Variants in PROKR2 observed in about 807,000 individuals in gnomAD.
PROKR2 encodes G protein-coupled receptor 73-like 1.
In PROKR2, 26 loss-of-function variants were observed where a neutral mutation model predicts 23.4. That is an observed-to-expected ratio of 1.11 (90% confidence interval 0.81 to 1.54). The LOEUF (loss-of-function observed/expected upper bound fraction) is 1.54, where lower values mean the gene tolerates loss of function less well. Among genes scored for constraint, PROKR2 ranks in the 40% most tolerant of loss-of-function variants. The pLI, the probability that PROKR2 is intolerant of heterozygous loss-of-function variation, is 0.00. For missense variants in PROKR2, 453 were observed against 511.5 expected (o/e 0.89, Z 1.10); for synonymous variants, 212 against 201.2 (o/e 1.05, Z -0.45).
chr20:5,315,893 G>A (rs1413945356), intron 1 of PROKR2: 15 of 456,326 alleles, frequency 3.3e-5, no homozygotes, highest in Non-Finnish European at 6.2e-5. Context: ...AAGACAAGAG[G>A]GCGCGCGCCC....
In PROKR2 at chr20:5,311,267, G is replaced by C. The variant is rs527975886; in HGVS notation, c.458+2645C>G. Reference sequence around the variant, plus strand: ...CTTGGTGTATTGCTGAACACATGGGGTGGGGTGAGTGGAGGCAGGATAGGG... The same window carrying C: ...CTTGGTGTATTGCTGAACACATGGGCTGGGGTGAGTGGAGGCAGGATAGGG... On this transcript the variant is annotated intron_variant, in intron 2 of 2. Transcript: ENST00000678254. Among the ~76,000 whole-genome samples the C allele has an allele frequency of 7.2e-5, 11 of 152,304 alleles. No homozygotes were observed. In the East Asian group the frequency reaches 2.1e-3, roughly 29 times the overall value.
intron 2 of PROKR2, among the ~76,000 whole-genome samples, chr20:5,305,625 CA>C (rs1979190258): frequency 6.6e-6 from 1 of 152,016 alleles, no homozygotes; most frequent in Non-Finnish European, 1.5e-5. Context: ...CAAGGCAAAG[CA>C]GCTTATTGGG....
chr20:5,314,416 G>GAC, intron 1 of PROKR2, 39 bp from the exon 2 acceptor site: 2 of 1,531,560 alleles, frequency 1.3e-6, no homozygotes, highest in Non-Finnish European at 1.8e-6. Context: ...CGAGGGGTGA[G>GAC]GGTCCAGACC....
intron 1 of PROKR2, 107 bp from the exon 2 acceptor site, chr20:5,314,484 G>T: frequency 3.3e-6 from 3 of 902,480 alleles, no homozygotes; most frequent in Non-Finnish European, 5.4e-6. Flanking sequence ...GGGGAGAGTT[G>T]ACTCACCGTC....
In PROKR2 at chr20:5,300,737, T is replaced by A. The variant is rs1473570670; in HGVS notation, c.*1303A>T. Reference sequence around the variant, plus strand: ...TTTGGATTCTAGGTAGAGTTCCTTTTGTAAAAGAGGGAGTGTTCTAGAAAG... The same window carrying A: ...TTTGGATTCTAGGTAGAGTTCCTTTAGTAAAAGAGGGAGTGTTCTAGAAAG... On this transcript the variant is annotated 3_prime_UTR_variant, in exon 3 of 3. Transcript: ENST00000678254. 1.3e-5 allele frequency among the ~76,000 whole-genome samples: 2 copies of A among 152,210 alleles called. No homozygotes were observed. The highest frequency in any genetic ancestry group is 2.9e-5 in the Non-Finnish European group (2 of 68,032).
chr20:5,310,885 C>T (rs190562653), intron 2 of PROKR2, among the ~76,000 whole-genome samples: 2 of 152,210 alleles, frequency 1.3e-5, no homozygotes, highest in Admixed American at 6.5e-5. Context: ...TAGAAAACAT[C>T]GTTATTGTGC....
At chr20:5,313,767 A>G in intron 2 of PROKR2, 145 bp downstream of exon 2, 1 of 741,536 alleles carries the variant, frequency 1.3e-6, no homozygotes, top group Non-Finnish European at 2.3e-6. Context: ...GGGGAACAGA[A>G]CTCAACTGGA....
chr20:5,315,586 T>C (rs1979634970), intron 1 of PROKR2: 1 of 312,482 alleles, frequency 3.2e-6, no homozygotes, highest in Non-Finnish European at 6.3e-6. Flanking sequence ...AGCAAGGAGA[T>C]GACCCAGCTG....
Position 5,316,780 on chromosome 20 carries a change from C to G in PROKR2, c.-295G>C, listed in dbSNP as rs1286263413. Among the ~76,000 whole-genome samples the G allele has an allele frequency of 6.6e-6, 1 of 152,228 alleles. No homozygotes were observed. Among genetic ancestry groups the G allele is most frequent in the Non-Finnish European group, 1.5e-5 (1 of 68,040 alleles). On this transcript the variant is annotated 5_prime_UTR_variant, in exon 1 of 3. Coordinates refer to ENST00000678254, the MANE Select transcript of PROKR2 (RefSeq NM_144773.4). The surrounding 1 kb of genome is among the most constrained non-coding windows in gnomAD (Gnocchi z 5.0). ...CCCGCGCTGGACTCCGCCCCGGGGT[C>G]CCCGCCTGCCTCCTAGTCCAGGCCA...
Position 5,316,081 on chromosome 20 carries a change from G to T in PROKR2, c.-9+413C>A. ...TTCAGGCTCTAGAAGCAAAGGCTGC[G>T]GTGCCTCCTGGCTGGAAGAAAACGG... On this transcript the variant is annotated intron_variant, in intron 1 of 2. Coordinates refer to ENST00000678254, the MANE Select transcript of PROKR2 (RefSeq NM_144773.4). The surrounding 1 kb of genome is among the most constrained non-coding windows in gnomAD (Gnocchi z 5.0). 1 of 456,738 alleles carries T rather than the reference G, an allele frequency of 2.2e-6. No homozygotes were observed. Among genetic ancestry groups the T allele is most frequent in the Non-Finnish European group, 4.4e-6 (1 of 226,972 alleles). The allele number at this position is 456,738 out of a possible 1,614,324, so 28.3% of individuals were successfully genotyped here.
At chr20:5,313,060 C>T (rs973203774) in intron 2 of PROKR2, among the ~76,000 whole-genome samples, 1 of 152,062 alleles carries the variant, frequency 6.6e-6, no homozygotes, top group African/African-American at 2.4e-5. Context: ...GATGGATATG[C>T]TAATTACCTT....
At chr20:5,312,491 A>G (rs937348719) in intron 2 of PROKR2, among the ~76,000 whole-genome samples, 1 of 152,204 alleles carries the variant, frequency 6.6e-6, no homozygotes, top group Non-Finnish European at 1.5e-5. Context: ...TACACATTTC[A>G]TAAGGGATGG....
In PROKR2 at chr20:5,302,397, C is replaced by G; in HGVS notation, c.798G>C (p.Arg266=). The G allele has an allele frequency of 1.1e-5, 17 of 1,614,238 alleles. No individual in the cohort carries two copies. The highest frequency in any genetic ancestry group is 1.4e-5 in the Non-Finnish European group (17 of 1,180,048). The part of the protein sequence containing the change: ...PGFQTEQIRK[R]LRCRRKTVLV... ...GGACCGTCTTCCTGCGGCAGCGCAG[C>G]CGCTTGCGAATCTGCTCCGTCTGGA... is the stretch of plus-strand genomic sequence containing the variant. The change falls in exon 3 of 3, where the codon CGG becomes CGC. Residue 266 remains arginine, a synonymous_variant. Coordinates refer to ENST00000678254, the MANE Select transcript of PROKR2 (RefSeq NM_144773.4).
At chr20:5,306,240 T>C (rs1033132134) in intron 2 of PROKR2, among the ~76,000 whole-genome samples, 6 of 151,748 alleles carry the variant, frequency 4.0e-5, no homozygotes, top group Non-Finnish European at 5.9e-5. Context: ...GGCACATAGC[T>C]CCAACATTTT....
Position 5,313,966 on chromosome 20 carries a change from C to T in PROKR2, c.404G>A (p.Arg135His), listed in dbSNP as rs746638938. 20 of 1,614,146 alleles carry T rather than the reference C, an allele frequency of 1.2e-5. No individual in the cohort carries two copies. The highest frequency in any genetic ancestry group is 7.7e-5 in the South Asian group (7 of 91,084). The stretch of plus-strand genomic sequence containing the variant: ...GGTGGAGACGTAGAGGGAGACGGTG[C>T]GCAGGTAGTTGACGGAGGCACAGAG... ...HVLCASVNYL[R>H]TVSLYVSTNA... Residue 135 changes from arginine to histidine, a missense_variant, in exon 2 of 3, where the codon CGC becomes CAC. Physicochemically the swap from Arg to His is conservative, Grantham distance 29 (BLOSUM62 0). Transcript: ENST00000678254.
intron 2 of PROKR2, among the ~76,000 whole-genome samples, chr20:5,303,274 CCAGA>C (rs2122206129): frequency 6.6e-6 from 1 of 152,308 alleles, no homozygotes; most frequent in Admixed American, 6.5e-5. Flanking sequence ...CTTATGGCCC[CCAGA>C]CAGAGGTGGG....
At position 5,302,074 on chromosome 20, in the gene PROKR2, G is replaced by A; in HGVS notation, c.1121C>T (p.Thr374Ile). The A allele has an allele frequency of 6.2e-7, 1 of 1,614,162 alleles. No individual in the cohort carries two copies. Among genetic ancestry groups the A allele is most frequent in the Non-Finnish European group, 8.5e-7 (1 of 1,180,018 alleles). ...CCTGATACAGTCCACCTCTTCTGTG[G>A]TGGGCACCCCGTTGGTTCTGAGGTC... Reference protein sequence around the residue: ...DLDLRTNGVPTTEEVDCIRLK With the variant: ...DLDLRTNGVPITEEVDCIRLK The change falls in exon 3 of 3, where the codon ACC becomes ATC. Residue 374 changes from threonine to isoleucine, a missense_variant. By Grantham distance (89) the Thr-to-Ile change is moderately conservative. Coordinates refer to ENST00000678254, the MANE Select transcript of PROKR2 (RefSeq NM_144773.4).
intron 2 of PROKR2, among the ~76,000 whole-genome samples, chr20:5,310,854 G>C (rs1273668187): frequency 6.6e-6 from 1 of 152,226 alleles, no homozygotes; most frequent in Non-Finnish European, 1.5e-5. Context: ...AAGTCCCTGT[G>C]CTAGGCACTG....
intron 2 of PROKR2, among the ~76,000 whole-genome samples, chr20:5,307,406 C>A (rs1296478519): frequency 1.3e-5 from 2 of 152,162 alleles, no homozygotes; most frequent in Non-Finnish European, 2.9e-5. Context: ...CTCTATGATG[C>A]AGTTACACAT....
Sources: gnomAD v4.1 joint callset for allele counts (sites outside exome capture counted in the v4.1 genomes callset) on GRCh38, gnomAD v4.1.1 for gene constraint, Gnocchi (gnomAD v3.1) non-coding constraint, MANE v1.5 for transcripts, NCBI Gene and HGNC (gene_info 2026-07-23, HGNC 2026-07-21) for gene names.